FAM53A: variants seen among roughly 807,000 people sequenced by gnomAD.
FAM53A encodes protein FAM53A.
Under a neutral mutation model 26.6 loss-of-function variants are expected in FAM53A, and 28 were observed. That is an observed-to-expected ratio of 1.05 (90% CI 0.78 to 1.45). The LOEUF (loss-of-function observed/expected upper bound fraction) is 1.45, where lower values mean the gene tolerates loss of function less well. Among genes scored for constraint, FAM53A ranks in the 40% most tolerant of loss-of-function variants. The pLI, the probability that FAM53A is intolerant of heterozygous loss-of-function variation, is 0.00. For missense variants in FAM53A, 650 were observed against 575.8 expected (o/e 1.13, Z -1.32); for synonymous variants, 290 against 253.1 (o/e 1.15, Z -1.38).
the FAM53A span, among the ~76,000 whole-genome samples, chr4:1,612,659 G>T: frequency 2.0e-5 from 3 of 152,168 alleles, no homozygotes; most frequent in African/African-American, 7.2e-5. Flanking sequence ...CAGGCCTGCC[G>T]CATGTGACAC....
Position 1,640,768 on chromosome 4 carries a change from G to A in FAM53A, c.*525C>T, listed in dbSNP as rs1339370046. The A allele has an allele frequency of 2.1e-4, 79 of 371,932 alleles. No homozygotes were observed. In the Middle Eastern group the frequency reaches 5.1e-3, roughly 24 times the overall value. The allele number at this position is 371,932 out of a possible 1,614,324, so 23.0% of individuals were successfully genotyped here. On this transcript the variant is annotated 3_prime_UTR_variant, in exon 5 of 5. Coordinates refer to ENST00000308132, the MANE Select transcript of FAM53A (RefSeq NM_001174070.3). ...ACTCTGTGCCCCAGGGCAGGTGCCG[G>A]TGGCAGCCATGGCCCCGACCAGCTC...
intron 1 of FAM53A, among the ~76,000 whole-genome samples, chr4:1,626,675 C>T (rs935599348): frequency 6.6e-6 from 1 of 151,364 alleles, no homozygotes; most frequent in African/African-American, 2.4e-5. Flanking sequence ...CCGGGGGGAC[C>T]CGGGGAGGAC....
At chr4:1,610,572 G>T in the FAM53A span, among the ~76,000 whole-genome samples, 1 of 152,160 alleles carries the variant, frequency 6.6e-6, no homozygotes, top group African/African-American at 2.4e-5. Context: ...AACAGGGAGG[G>T]CAGTGGGGGT....
downstream of FAM53A, among the ~76,000 whole-genome samples, chr4:1,616,545 C>A (rs1438989099): frequency 1.3e-5 from 2 of 152,226 alleles, no homozygotes; most frequent in Middle Eastern, 3.2e-3. Context: ...ACAACAACAA[C>A]AAAACTAAAA....
At chr4:1,672,441 C>T (rs1271513931) in intron 1 of FAM53A, among the ~76,000 whole-genome samples, 2 of 152,164 alleles carry the variant, frequency 1.3e-5, no homozygotes, top group African/African-American at 2.4e-5. Context: ...TGGCGGGAAG[C>T]GCCTCCTCAC....
chr4:1,576,863 C>G, the FAM53A span, among the ~76,000 whole-genome samples: 1 of 152,192 alleles, frequency 6.6e-6, no homozygotes, highest in Non-Finnish European at 1.5e-5. Context: ...ACTTCCCACT[C>G]TGTAAAATGG....
chr4:1,586,599 C>A, the FAM53A span, among the ~76,000 whole-genome samples: 1 of 151,294 alleles, frequency 6.6e-6, no homozygotes, highest in Non-Finnish European at 1.5e-5. Context: ...CACGGTGAAA[C>A]CCTGTCTCTA....
At chr4:1,682,284 GAC>G (rs1715495042) in intron 1 of FAM53A, among the ~76,000 whole-genome samples, 2 of 118,134 alleles carry the variant, frequency 1.7e-5, no homozygotes, top group Admixed American at 1.0e-4. Flanking sequence ...TTTTTTTTGA[GAC>G]AGAGTCTGGC....
chr4:1,608,470 C>T, the FAM53A span, among the ~76,000 whole-genome samples: 10 of 152,334 alleles, frequency 6.6e-5, no homozygotes, highest in Admixed American at 3.3e-4. Flanking sequence ...GTGGAGGCTG[C>T]AGTTGTCTCC....
chr4:1,601,927 C>A, the FAM53A span, among the ~76,000 whole-genome samples: 2 of 146,818 alleles, frequency 1.4e-5, 1 homozygote, highest in Non-Finnish European at 3.0e-5. Flanking sequence ...GGGAGGTGGG[C>A]CAGGGGAGGT....
chr4:1,684,100 C>A (rs1241518696), intron 1 of FAM53A, 133 bp downstream of exon 1: 1 of 152,020 alleles, frequency 6.6e-6, no homozygotes, highest in Non-Finnish European at 1.5e-5. Flanking sequence ...CAGCTCGGAG[C>A]GCAGGGCCCC....
the FAM53A span, among the ~76,000 whole-genome samples, chr4:1,591,088 T>G: frequency 6.6e-6 from 1 of 150,980 alleles, no homozygotes; most frequent in African/African-American, 2.4e-5. Flanking sequence ...GCCTTATTTC[T>G]ATTTTGTCTG....
chr4:1,607,324 GTTTT>G, the FAM53A span, among the ~76,000 whole-genome samples: 2 of 144,476 alleles, frequency 1.4e-5, no homozygotes, highest in Non-Finnish European at 3.1e-5. Flanking sequence ...CAGCCTCTGG[GTTTT>G]TTTTTTTTTT....
At chr4:1,629,050 C>T (rs1715490710) in intron 1 of FAM53A, among the ~76,000 whole-genome samples, 1 of 151,972 alleles carries the variant, frequency 6.6e-6, no homozygotes, top group Non-Finnish European at 1.5e-5. Flanking sequence ...CTCTCACCCA[C>T]GTCCACCCCA....
At chr4:1,674,951 A>T (rs1221200039) in intron 1 of FAM53A, among the ~76,000 whole-genome samples, 1 of 152,174 alleles carries the variant, frequency 6.6e-6, no homozygotes, top group Non-Finnish European at 1.5e-5. Context: ...GGACCAGAGG[A>T]AGCCCCTGCC....
chr4:1,654,207 G>A (rs1262555330), intron 4 of FAM53A, among the ~76,000 whole-genome samples: 1 of 152,184 alleles, frequency 6.6e-6, no homozygotes, highest in Non-Finnish European at 1.5e-5. Context: ...CGACACAGAT[G>A]ACCCAGTGAG....
rs1040020603 is a variant in FAM53A, at chr4:1,618,418, C to T, written c.432-307G>A. ...TGACCACAGCTCCAGGCCCAAATGT[C>T]CCTGGGTGGGAAGTGGGCTGGTACC... is the stretch of plus-strand genomic sequence containing the variant. On this transcript the variant is annotated intron_variant, in intron 1 of 1. Coordinates refer to the FAM53A transcript ENST00000489029. Among the ~76,000 whole-genome samples the T allele has an allele frequency of 5.3e-5, 8 of 152,206 alleles. No homozygotes were observed. The South Asian group carries it at 1.2e-3, about 24-fold the overall frequency.
In FAM53A at chr4:1,640,430, G is replaced by T; in HGVS notation, c.*863C>A. On this transcript the variant is annotated 3_prime_UTR_variant, in exon 5 of 5. Transcript: ENST00000308132. ...AGCACACAAGGCGCCCTGCACAGCA[G>T]GCCTTTCGTGGGGAACACAGACGCA... is the stretch of plus-strand genomic sequence containing the variant. 3.5e-6 allele frequency: 1 copy of T among 285,686 alleles called. No homozygotes were observed. The allele number at this position is 285,686 out of a possible 1,614,324, so 17.7% of individuals were successfully genotyped here.
chr4:1,632,243 T>C (rs1350004465), intron 1 of FAM53A, among the ~76,000 whole-genome samples: 2 of 148,036 alleles, frequency 1.4e-5, no homozygotes, highest in Non-Finnish European at 3.0e-5. Flanking sequence ...GTCACACGAG[T>C]CGGTCCTAAT....
Sources: allele counts gnomAD v4.1 joint callset (sites outside exome capture counted in the v4.1 genomes callset), GRCh38; gene constraint gnomAD v4.1.1; transcripts MANE v1.5; gene names NCBI Gene and HGNC (gene_info 2026-07-23, HGNC 2026-07-21).